TBCE: variants seen among roughly 807,000 people sequenced by gnomAD.
TBCE encodes the protein tubulin folding cofactor E, also known as tubulin-specific chaperone E.
A neutral mutation model predicts 77.0 loss-of-function variants in TBCE; 53 were observed. The ratio of observed to expected loss-of-function variants is 0.69; its 90% confidence interval spans 0.55 to 0.87. TBCE has a LOEUF of 0.87. Ranked by LOEUF, TBCE falls within the 40% of genes least tolerant of loss-of-function variation. TBCE has a pLI of 0.00. For missense variants in TBCE, 624 were observed against 622.4 expected, an observed-to-expected ratio of 1.00 and a Z score of -0.03; for synonymous variants, 235 against 241.3, an observed-to-expected ratio of 0.97 and a Z score of 0.24.
In TBCE at chr1:235,414,507, A is replaced by C. The variant is rs926114526; in HGVS notation, c.260A>C (p.Asn87Thr). 1.9e-5 allele frequency: 31 copies of C among 1,613,718 alleles called. No homozygotes were observed. In the Admixed American group the frequency reaches 4.2e-4, roughly 22 times the overall value. Residue 87 changes from asparagine to threonine, a missense_variant, in exon 4 of 17, where the codon AAC becomes ACC. Transcript: ENST00000642610. ...ACAGACTTTCTTACTGCAATTAAGA[A>C]CCGCTATGTGTTAGAAGATGGACCA... ...FGTDFLTAIK[N>T]RYVLEDGPEE...
chr1:235,401,065 C>T lies in TBCE; in HGVS notation c.101-438C>T, dbSNP rs76190258. ...CATAACATAAAGTTTGCCATTTTAA[C>T]CACTTTTCAATTTAACATTTTAAAT... is the stretch of plus-strand genomic sequence containing the variant. On this transcript the variant is annotated intron_variant, in intron 2 of 16. Coordinates refer to ENST00000642610, the MANE Select transcript of TBCE (RefSeq NM_003193.5). 7.2e-3 allele frequency among the ~76,000 whole-genome samples: 1,094 copies of T among 151,168 alleles called. 9 individuals carry two copies. The highest frequency in any genetic ancestry group is 0.026 in the African/African-American group (1,057 of 41,196).
Position 235,451,297 on chromosome 1 carries a change from T to G in TBCE, c.*2535T>G, listed in dbSNP as rs1320084226. 6.6e-6 allele frequency: 1 copy of G among 152,024 alleles called. No individual in the cohort carries two copies. Among genetic ancestry groups the G allele is most frequent in the Non-Finnish European group, 1.5e-5 (1 of 68,014 alleles). 9.4% of individuals were successfully genotyped at this position (152,024 alleles called of 1,614,324 possible). ...TACCCACAGCTTGCACTTAGGTAGG[T>G]CTGGGGCTGGTAGTCAGTCTGTGTA... On this transcript the variant is annotated 3_prime_UTR_variant, in exon 17 of 17. Transcript: ENST00000642610.
At chr1:235,373,425 A>G (rs1677094921) in intron 1 of TBCE, among the ~76,000 whole-genome samples, 1 of 151,958 alleles carries the variant, frequency 6.6e-6, no homozygotes, top group Non-Finnish European at 1.5e-5. Flanking sequence ...AGGGACAGAA[A>G]AAAAAGAATG....
chr1:235,394,322 C>T (rs1461165976), intron 2 of TBCE, among the ~76,000 whole-genome samples: 1 of 152,036 alleles, frequency 6.6e-6, no homozygotes, highest in African/African-American at 2.4e-5. Context: ...GATCCACCTG[C>T]CTCGGCCTCC....
chr1:235,439,886 C>T (rs545427998), intron 13 of TBCE, among the ~76,000 whole-genome samples: 4 of 152,238 alleles, frequency 2.6e-5, no homozygotes, highest in African/African-American at 7.2e-5. Flanking sequence ...ATTGCAACCT[C>T]CACCTCCTGG....
chr1:235,393,228 T>C (rs962589699), intron 2 of TBCE, among the ~76,000 whole-genome samples: 3 of 152,184 alleles, frequency 2.0e-5, no homozygotes, highest in Non-Finnish European at 4.4e-5. Context: ...GTTATAATGC[T>C]AGAGATATTT....
intron 6 of TBCE, 104 bp from the exon 7 acceptor site, chr1:235,430,601 A>T: frequency 2.6e-6 from 2 of 780,226 alleles, no homozygotes; most frequent in Non-Finnish European, 4.2e-6. Flanking sequence ...GATTGAAACA[A>T]ATCAAACCCC....
In TBCE at chr1:235,380,229, T is replaced by C. The variant is rs909221399; in HGVS notation, c.100+80T>C. The stretch of plus-strand genomic sequence containing the variant: ...TGTGTGTGTGTATTTTGCAGCTGTT[T>C]CTGTGTAAGCTTCTCAGTAGCACTT... On this transcript the variant is annotated intron_variant, in intron 2 of 16. Transcript: ENST00000642610. 1.7e-5 allele frequency: 24 copies of C among 1,420,604 alleles called. No homozygotes were observed. The African/African-American group carries it at 2.8e-4, about 17-fold the overall frequency. The allele number at this position is 1,420,604 out of a possible 1,614,324, so 88.0% of individuals were successfully genotyped here. A position where few individuals can be genotyped will look rare whatever the true frequency, so the allele number is the denominator to read the frequency against.
At position 235,414,561 on chromosome 1, in the gene TBCE, C is replaced by T. The variant is rs1411445353; in HGVS notation, c.314C>T (p.Thr105Ile). Residue 105 changes from threonine (T) to isoleucine (I), a missense_variant, in exon 4 of 17, where the codon ACA (threonine) becomes ATA (isoleucine). By Grantham distance (89) the Thr-to-Ile change is moderately conservative. Transcript: ENST00000642610. The part of the protein sequence containing the change: ...PEEDRKEQIV[T>I]IGNKPVETIG... ...GAAGATAGAAAAGAGCAAATTGTTACAATTGGAAATAAACCTGTGGAGACT... is the reference window on the plus strand; with the variant it reads ...GAAGATAGAAAAGAGCAAATTGTTATAATTGGAAATAAACCTGTGGAGACT... 6.2e-7 allele frequency: 1 copy of T among 1,613,782 alleles called. No homozygotes were observed. The highest frequency in any genetic ancestry group is 8.5e-7 in the Non-Finnish European group (1 of 1,179,968).
At chr1:235,410,854 C>A (rs973509324) in intron 3 of TBCE, among the ~76,000 whole-genome samples, 2 of 152,104 alleles carry the variant, frequency 1.3e-5, no homozygotes, top group Admixed American at 6.6e-5. Context: ...GAGCTCAGTT[C>A]GAAAGCGTTG....
At chr1:235,412,578 C>T (rs1679874808) in intron 3 of TBCE, among the ~76,000 whole-genome samples, 1 of 151,476 alleles carries the variant, frequency 6.6e-6, no homozygotes, top group Non-Finnish European at 1.5e-5. Flanking sequence ...TCCCAAAATG[C>T]TAGGATTATA....
chr1:235,368,906 C>G (rs1009818903), intron 1 of TBCE, among the ~76,000 whole-genome samples: 11 of 152,024 alleles, frequency 7.2e-5, no homozygotes, highest in African/African-American at 1.2e-4. Context: ...GATTTACATT[C>G]ATTGTCACTA....
intron 1 of TBCE, among the ~76,000 whole-genome samples, chr1:235,373,216 TA>T (rs1265960836): frequency 6.6e-6 from 1 of 152,054 alleles, no homozygotes; most frequent in Non-Finnish European, 1.5e-5. Context: ...GTCTCAGTGG[TA>T]GTAAAATTCT....
intron 3 of TBCE, among the ~76,000 whole-genome samples, chr1:235,412,523 C>T (rs1248113322): frequency 6.6e-6 from 1 of 151,016 alleles, no homozygotes; most frequent in East Asian, 2.0e-4. Flanking sequence ...AGCTACCGCA[C>T]CTGATCTCAA....
At chr1:235,414,654 T>C (rs781379041) in intron 4 of TBCE, 36 bp downstream of exon 4, 1 of 1,604,756 alleles carries the variant, frequency 6.2e-7, no homozygotes, top group Non-Finnish European at 8.5e-7. Flanking sequence ...CTGACTTTTA[T>C]GGTTTTATTA....
intron 2 of TBCE, among the ~76,000 whole-genome samples, chr1:235,391,077 G>A (rs988655856): frequency 5.3e-5 from 8 of 152,124 alleles, no homozygotes; most frequent in African/African-American, 1.9e-4. Flanking sequence ...CTTTTTAAAG[G>A]ACAGAGCTGC....
intron 7 of TBCE, 57 bp downstream of exon 7, chr1:235,430,861 T>A: frequency 1.4e-6 from 2 of 1,436,916 alleles, no homozygotes; most frequent in Non-Finnish European, 1.9e-6. Flanking sequence ...ATGTTTGGTT[T>A]AATAGAGAAT....
At chr1:235,399,779 T>C (rs1678974377) in intron 2 of TBCE, among the ~76,000 whole-genome samples, 1 of 152,232 alleles carries the variant, frequency 6.6e-6, no homozygotes, top group Non-Finnish European at 1.5e-5. Flanking sequence ...TGTTTGAAGC[T>C]GGTCGGTCAG....
At chr1:235,390,129 AAAAAAG>A (rs1196814922) in intron 2 of TBCE, among the ~76,000 whole-genome samples, 1 of 152,076 alleles carries the variant, frequency 6.6e-6, no homozygotes, top group African/African-American at 2.4e-5. Flanking sequence ...GTCTCAAAAA[AAAAAAG>A]AAAAAGAAAA....
Sources: gnomAD v4.1 joint callset for allele counts (sites outside exome capture counted in the v4.1 genomes callset) on GRCh38, gnomAD v4.1.1 for gene constraint, MANE v1.5 for transcripts, NCBI Gene and HGNC (gene_info 2026-07-23, HGNC 2026-07-21) for gene names.